Variants in CSMD2 observed in about 807,000 individuals in gnomAD.
CSMD2 encodes CUB and sushi domain-containing protein 2.
Under a neutral mutation model 398.5 loss-of-function variants are expected in CSMD2, and 130 were observed. The observed-to-expected ratio is 0.33, with a 90% confidence interval of 0.28 to 0.38. The LOEUF (loss-of-function observed/expected upper bound fraction) is 0.38, where lower values mean the gene tolerates loss of function less well. CSMD2 is among the 10% of genes least tolerant of loss of function. CSMD2 has a pLI of 1.00. For missense variants in CSMD2, 3,829 were observed against 4,764.9 expected (o/e 0.80, Z 5.78); for synonymous variants, 1,828 against 1,908.5 (o/e 0.96, Z 1.10).
chr1:34,142,357 T>A (rs577149577), intron 1 of CSMD2, among the ~76,000 whole-genome samples: 17 of 152,262 alleles, frequency 1.1e-4, no homozygotes, highest in African/African-American at 3.6e-4. Flanking sequence ...GATCGGCTCT[T>A]CTCTGCCCCC....
At chr1:33,875,150 C>A (rs1640750934) in intron 5 of CSMD2, among the ~76,000 whole-genome samples, 2 of 152,182 alleles carry the variant, frequency 1.3e-5, no homozygotes, top group Admixed American at 6.5e-5. Context: ...AGAGACAGGG[C>A]AGACAACAGC....
At chr1:33,921,299 G>A (rs1252075025) in intron 4 of CSMD2, among the ~76,000 whole-genome samples, 1 of 152,192 alleles carries the variant, frequency 6.6e-6, no homozygotes, top group Non-Finnish European at 1.5e-5. Context: ...TCTGCCTTGA[G>A]TATCTCTCTG....
intron 1 of CSMD2, among the ~76,000 whole-genome samples, chr1:34,148,919 C>A (rs771137): frequency 0.76 from 115,950 of 152,076 alleles, 46,109 homozygotes; most frequent in Non-Finnish European, 0.87. Flanking sequence ...CCATTTCTAA[C>A]AAGCTTCCTG....
intron 44 of CSMD2, chr1:33,592,430 G>T: frequency 1.4e-6 from 1 of 716,364 alleles, no homozygotes; most frequent in Non-Finnish European, 2.6e-6. Flanking sequence ...AGCTTCTGTG[G>T]CTGGGGGGCA....
intron 6 of CSMD2, 77 bp from the exon 7 acceptor site, chr1:33,825,851 C>T (rs2125015793): frequency 8.4e-7 from 1 of 1,184,660 alleles, no homozygotes; most frequent in East Asian, 2.5e-5. Context: ...AGAAGGATTC[C>T]CCCTTGTGCC....
In CSMD2 at chr1:33,665,765, C is replaced by T. The variant is rs191781424; in HGVS notation, c.4053-2673G>A. ...TGAGGCTAACAAGTTCATTACTCTT[C>T]CAAATTGACACTCAATTCTCCCAAC... On this transcript the variant is annotated intron_variant, in intron 25 of 70. Coordinates refer to ENST00000373381, the MANE Select transcript of CSMD2 (RefSeq NM_001281956.2). Among the ~76,000 whole-genome samples the T allele has an allele frequency of 2.9e-3, 443 of 152,114 alleles. 2 individuals are homozygous for T. Among genetic ancestry groups the T allele is most frequent in the African/African-American group, 0.01 (419 of 41,500 alleles).
intron 2 of CSMD2, among the ~76,000 whole-genome samples, chr1:34,063,172 G>T (rs9425982): frequency 0.29 from 43,434 of 152,028 alleles, 7,214 homozygotes; most frequent in African/African-American, 0.45. Context: ...AGTTGAGATT[G>T]GGGTGGGGAC....
chr1:33,662,975 G>A lies in CSMD2; in HGVS notation c.4170C>T (p.Asp1390=), dbSNP rs954406400. The part of the protein sequence containing the change: ...KELSGPALPK[D]LHSTFNSVVL... ...CGACCGAGTTGAAGGTGCTATGCAG[G>A]TCCTTGGGCAGGGCCGGGCCACTCA... Residue 1390 remains aspartate, a synonymous_variant, in exon 26 of 71, where the codon GAC becomes GAT. Coordinates refer to ENST00000373381, the MANE Select transcript of CSMD2 (RefSeq NM_001281956.2). The A allele has an allele frequency of 6.2e-7, 1 of 1,614,148 alleles. No individual in the cohort carries two copies. Among genetic ancestry groups the A allele is most frequent in the East Asian group, 2.2e-5 (1 of 44,872 alleles).
intron 2 of CSMD2, among the ~76,000 whole-genome samples, chr1:34,040,259 A>G (rs982501263): frequency 6.6e-6 from 1 of 152,154 alleles, no homozygotes; most frequent in Non-Finnish European, 1.5e-5. Context: ...TGGGATCATC[A>G]GTTTGCATAT....
intron 3 of CSMD2, among the ~76,000 whole-genome samples, chr1:33,990,148 T>C (rs1646500726): frequency 6.6e-6 from 1 of 152,074 alleles, no homozygotes; most frequent in Non-Finnish European, 1.5e-5. Context: ...GGCCTGCGCC[T>C]GTAATCTCAA....
chr1:33,521,237 C>G (rs1320252414), intron 68 of CSMD2, among the ~76,000 whole-genome samples: 1 of 152,144 alleles, frequency 6.6e-6, no homozygotes, highest in Non-Finnish European at 1.5e-5. Flanking sequence ...CAGGTCTGAA[C>G]AGGAAACTTT....
chr1:33,979,787 AC>A (rs2147950173), intron 3 of CSMD2, among the ~76,000 whole-genome samples: 2 of 152,138 alleles, frequency 1.3e-5, no homozygotes, highest in South Asian at 4.2e-4. Flanking sequence ...AAGAGCAGGG[AC>A]CCCAGAGCCC....
chr1:33,720,040 T>C (rs975711332), intron 19 of CSMD2, among the ~76,000 whole-genome samples: 3 of 152,212 alleles, frequency 2.0e-5, no homozygotes, highest in African/African-American at 4.8e-5. Flanking sequence ...CACAGAGTTT[T>C]GAGTTTCCTG....
chr1:33,619,068 G>A (rs1032262124), intron 37 of CSMD2, among the ~76,000 whole-genome samples: 6 of 152,240 alleles, frequency 3.9e-5, no homozygotes, highest in Non-Finnish European at 5.9e-5. Flanking sequence ...ATGTACAGGT[G>A]CAGGCACTTC....
chr1:33,646,683 G>A lies in CSMD2; in HGVS notation c.4739C>T (p.Ser1580Phe). The A allele has an allele frequency of 6.2e-7, 1 of 1,614,124 alleles. No homozygotes were observed. The highest frequency in any genetic ancestry group is 8.5e-7 in the Non-Finnish European group (1 of 1,180,032). Reference protein sequence around the residue: ...SLFLAFRSDASVSNAGFVIDY... With the variant: ...SLFLAFRSDAFVSNAGFVIDY... ...AATGACGAAGCCAGCATTGCTCACA[G>A]ATGCATCGCTGCGGAAGGCGAGGAA... is the stretch of plus-strand genomic sequence containing the variant. Residue 1580 changes from serine (S) to phenylalanine (F), a missense_variant, in exon 29 of 71, where the codon TCT (serine) becomes TTT (phenylalanine). This residue lies in a region of CSMD2 where 2,001 missense variants were observed against 2,567.1 expected (regional missense o/e 0.78). Transcript: ENST00000373381.
At chr1:33,960,562 G>T (rs1400901495) in intron 3 of CSMD2, among the ~76,000 whole-genome samples, 2 of 152,200 alleles carry the variant, frequency 1.3e-5, no homozygotes, top group African/African-American at 4.8e-5. Flanking sequence ...GTGTTGTGGG[G>T]GAGACAGATG....
At chr1:33,597,849 A>G (rs1639940945) in intron 44 of CSMD2, among the ~76,000 whole-genome samples, 2 of 152,274 alleles carry the variant, frequency 1.3e-5, no homozygotes, top group African/African-American at 4.8e-5. Context: ...ACAGTAGACT[A>G]AATAAATTGC....
intron 25 of CSMD2, among the ~76,000 whole-genome samples, chr1:33,680,112 G>C (rs944225500): frequency 6.9e-6 from 1 of 145,488 alleles, no homozygotes; most frequent in African/African-American, 2.5e-5. Flanking sequence ...TTTTAGTAGA[G>C]ACGGGGTTTC....
intron 1 of CSMD2, among the ~76,000 whole-genome samples, chr1:34,105,554 A>T (rs769572266): frequency 1.6e-4 from 25 of 152,200 alleles, no homozygotes; most frequent in Non-Finnish European, 2.8e-4. Context: ...CCATGACCTG[A>T]AGTCCTCCAT....
Sources: gnomAD v4.1 joint callset for allele counts (sites outside exome capture counted in the v4.1 genomes callset) on GRCh38, gnomAD v4.1.1 for gene constraint, gnomAD v4.1.1 regional missense constraint, MANE v1.5 for transcripts, NCBI Gene and HGNC (gene_info 2026-07-23, HGNC 2026-07-21) for gene names.